PDGFC: variants seen among roughly 807,000 people sequenced by gnomAD.
PDGFC encodes the protein platelet-derived growth factor C.
Under a neutral mutation model 35.5 loss-of-function variants are expected in PDGFC, and 12 were observed. The observed-to-expected ratio is 0.34, with a 90% CI of 0.22 to 0.55. PDGFC has a LOEUF of 0.55. PDGFC is among the 20% of genes least tolerant of loss of function. PDGFC has a pLI of 0.91. For missense variants in PDGFC, 322 were observed against 412.4 expected, an observed-to-expected ratio of 0.78 and a Z score of 1.90; for synonymous variants, 159 against 148.8, an observed-to-expected ratio of 1.07 and a Z score of -0.50.
intron 1 of PDGFC, among the ~76,000 whole-genome samples, chr4:156,912,942 GT>G (rs1731073151): frequency 6.6e-6 from 1 of 151,870 alleles, no homozygotes; most frequent in Admixed American, 6.6e-5. Flanking sequence ...TATGATTATA[GT>G]CTTTTAAGAC....
Position 156,872,384 on chromosome 4 carries a change from A to G in PDGFC, c.119-21968T>C, listed in dbSNP as rs141868422. 9.7e-3 allele frequency among the ~76,000 whole-genome samples: 1,474 copies of G among 152,318 alleles called. 22 individuals are homozygous for G. The highest frequency in any genetic ancestry group is 0.033 in the African/African-American group (1,383 of 41,564). On this transcript the variant is annotated intron_variant, in intron 1 of 5. Coordinates refer to ENST00000502773, the MANE Select transcript of PDGFC (RefSeq NM_016205.3). ...AGAATTTACTTTTTCTAGCACATAC[A>G]TTAGCAAACATTATTGGTGGTATTG...
intron 3 of PDGFC, among the ~76,000 whole-genome samples, chr4:156,797,844 C>G (rs1213334626): frequency 6.6e-6 from 1 of 152,102 alleles, no homozygotes; most frequent in Admixed American, 6.6e-5. Context: ...GTTTACACAT[C>G]TAGTTAGGTT....
chr4:156,887,864 G>A (rs2111186811), intron 1 of PDGFC, among the ~76,000 whole-genome samples: 1 of 151,974 alleles, frequency 6.6e-6, no homozygotes, highest in East Asian at 1.9e-4. Flanking sequence ...CTAGCCAGGA[G>A]TGGTGGCATG....
intron 1 of PDGFC, among the ~76,000 whole-genome samples, chr4:156,964,684 T>G (rs2110981179): frequency 6.6e-6 from 1 of 152,196 alleles, no homozygotes. Context: ...TCCTAATTGG[T>G]TCTCACATAA....
rs1340974113 is a variant in PDGFC at position 156,971,309 on chromosome 4, T to C, written c.-406A>G. On this transcript the variant is annotated 5_prime_UTR_variant, in exon 1 of 6. Coordinates refer to ENST00000502773, the MANE Select transcript of PDGFC (RefSeq NM_016205.3). ...CAGGACAGAGGCGAAAACTCAAGGG[T>C]TGCCCGCAGCCAGACTGGAAGCCAA... is the stretch of plus-strand genomic sequence containing the variant. The C allele has an allele frequency of 1.5e-5, 6 of 400,078 alleles. No individual in the cohort carries two copies. The highest frequency in any genetic ancestry group is 4.1e-5 in the African/African-American group (2 of 48,626). 24.8% of individuals were successfully genotyped at this position (400,078 alleles called of 1,614,324 possible).
At chr4:156,843,848 T>C (rs1389969849) in intron 2 of PDGFC, among the ~76,000 whole-genome samples, 1 of 152,146 alleles carries the variant, frequency 6.6e-6, no homozygotes, top group Non-Finnish European at 1.5e-5. Context: ...CAGGAGATTC[T>C]TGCCAAGGAC....
Position 156,853,028 on chromosome 4 carries a change from G to A in PDGFC, c.119-2612C>T, listed in dbSNP as rs116984436. On this transcript the variant is annotated intron_variant, in intron 1 of 5. Transcript: ENST00000502773. ...AGACCCTGAACAAGAATTCAGTCAC[G>A]TGGTGCCTGGAATCCTAACTGACAG... is the stretch of plus-strand genomic sequence containing the variant. Among the ~76,000 whole-genome samples, 533 of 152,278 alleles carry A rather than the reference G, an allele frequency of 3.5e-3. 19 individuals carry two copies. The East Asian group carries it at 0.077, about 22-fold the overall frequency.
At chr4:156,932,645 G>C (rs1731578941) in intron 1 of PDGFC, among the ~76,000 whole-genome samples, 2 of 148,340 alleles carry the variant, frequency 1.3e-5, no homozygotes, top group Non-Finnish European at 3.0e-5. Flanking sequence ...CTATCTCAAG[G>C]ACAAAAAACC....
At chr4:156,801,873 C>G (rs10003251) in intron 3 of PDGFC, among the ~76,000 whole-genome samples, 6,953 of 152,244 alleles carry the variant, frequency 0.046, 559 homozygotes, top group African/African-American at 0.16. Flanking sequence ...CTCAGTCATA[C>G]AAGACACTGC....
intron 1 of PDGFC, among the ~76,000 whole-genome samples, chr4:156,851,799 C>A (rs1179707104): frequency 1.3e-5 from 2 of 151,476 alleles, no homozygotes; most frequent in Non-Finnish European, 2.9e-5. Context: ...GGTGCAGGGG[C>A]GGGCGCCTGT....
chr4:156,832,253 C>CTTTTTTTTTTTTTTTTTTTTTTTTTTT, intron 2 of PDGFC, among the ~76,000 whole-genome samples: 1 of 121,134 alleles, frequency 8.3e-6, no homozygotes, highest in Non-Finnish European at 1.7e-5. Flanking sequence ...TTCTTTCTTT[C>CTTTTTTTTTTTTTTTTTTTTTTTTTTT]TTTTTTTTTT....
intron 1 of PDGFC, among the ~76,000 whole-genome samples, chr4:156,906,524 T>C (rs865976886): frequency 5.3e-5 from 8 of 152,160 alleles, no homozygotes; most frequent in Non-Finnish European, 7.4e-5. Flanking sequence ...AGATGAGTAA[T>C]AGGAGTTGAC....
chr4:156,829,179 T>C (rs528085956), intron 2 of PDGFC, among the ~76,000 whole-genome samples: 9 of 152,324 alleles, frequency 5.9e-5, no homozygotes, highest in African/African-American at 1.9e-4. Context: ...AGATCATCAC[T>C]CTTATTTCCA....
intron 3 of PDGFC, among the ~76,000 whole-genome samples, chr4:156,804,049 C>T (rs955529744): frequency 7.9e-5 from 12 of 151,852 alleles, no homozygotes; most frequent in African/African-American, 2.7e-4. Context: ...TGAAAGATAT[C>T]TACCTAATTT....
rs568324597 is a variant in PDGFC, at chr4:156,794,780, G to A, written c.495+16057C>T. ...AATTATAGAAAAAAATCATGGAAGAGAACAAAAATATATTAAATATCAACA... is the reference window on the plus strand; with the variant it reads ...AATTATAGAAAAAAATCATGGAAGAAAACAAAAATATATTAAATATCAACA... On this transcript the variant is annotated intron_variant, in intron 3 of 5. Transcript: ENST00000502773. 5.9e-5 allele frequency among the ~76,000 whole-genome samples: 9 copies of A among 152,040 alleles called. No individual in the cohort carries two copies. The South Asian group carries it at 1.7e-3, about 28-fold the overall frequency.
chr4:156,880,406 T>C (rs1444141477), intron 1 of PDGFC, among the ~76,000 whole-genome samples: 2 of 152,102 alleles, frequency 1.3e-5, no homozygotes, highest in Non-Finnish European at 2.9e-5. Context: ...TTTTACAGCA[T>C]GGTTTACTGA....
At chr4:156,883,715 T>C (rs1295497522) in intron 1 of PDGFC, among the ~76,000 whole-genome samples, 1 of 149,260 alleles carries the variant, frequency 6.7e-6, no homozygotes, top group Non-Finnish European at 1.5e-5. Flanking sequence ...GAGATTTCTT[T>C]CTCTTTCTCT....
At chr4:156,844,332 C>T (rs1158114143) in intron 2 of PDGFC, among the ~76,000 whole-genome samples, 3 of 152,008 alleles carry the variant, frequency 2.0e-5, no homozygotes, top group South Asian at 2.1e-4. Context: ...AATTGATGTA[C>T]AGTCTAAATT....
intron 3 of PDGFC, among the ~76,000 whole-genome samples, chr4:156,792,696 C>T (rs1307561496): frequency 6.6e-6 from 1 of 152,146 alleles, no homozygotes; most frequent in Non-Finnish European, 1.5e-5. Flanking sequence ...AGTCTACAGA[C>T]CTATCTAAAC....
Sources: gnomAD v4.1 joint callset for allele counts (sites outside exome capture counted in the v4.1 genomes callset) on GRCh38, gnomAD v4.1.1 for gene constraint, MANE v1.5 for transcripts, NCBI Gene and HGNC (gene_info 2026-07-23, HGNC 2026-07-21) for gene names.